ATP13A4: variants seen among roughly 807,000 people sequenced by gnomAD.
The protein encoded by ATP13A4 is ATPase 13A4, also known as probable cation-transporting ATPase 13A4.
A neutral mutation model predicts 142.5 loss-of-function variants in ATP13A4; 114 were observed. The ratio of observed to expected loss-of-function variants is 0.80; its 90% CI spans 0.69 to 0.93. The LOEUF is 0.93. Among genes scored for constraint, ATP13A4 ranks in the 40% least tolerant of loss-of-function variants. The pLI, the probability that ATP13A4 is intolerant of heterozygous loss-of-function variation, is 0.00. For synonymous variants in ATP13A4, 488 were observed against 514.8 expected (o/e 0.95, Z 0.70); for missense variants, 1,392 against 1,454.0 (o/e 0.96, Z 0.69).
At chr3:193,432,358 T>C (rs757962718) in intron 25 of ATP13A4, among the ~76,000 whole-genome samples, 46 of 152,104 alleles carry the variant, frequency 3.0e-4, no homozygotes, top group Non-Finnish European at 6.5e-4. Context: ...TAGAGGTTTC[T>C]TACAAAACAA....
intron 1 of ATP13A4, among the ~76,000 whole-genome samples, chr3:193,552,595 A>C (rs1044660234): frequency 6.6e-6 from 1 of 152,234 alleles, no homozygotes; most frequent in Non-Finnish European, 1.5e-5. Flanking sequence ...GAATCTAAGA[A>C]GACTGGATGT....
At chr3:193,516,501 C>T (rs1721422301) in intron 1 of ATP13A4, among the ~76,000 whole-genome samples, 1 of 152,202 alleles carries the variant, frequency 6.6e-6, no homozygotes, top group Non-Finnish European at 1.5e-5. Flanking sequence ...GCTCTGTCCC[C>T]TCAACACACT....
intron 1 of ATP13A4, chr3:193,592,941 T>G: frequency 5.5e-6 from 1 of 183,340 alleles, no homozygotes; most frequent in Non-Finnish European, 1.1e-5. Flanking sequence ...CCGGTGAGCA[T>G]TCATCAATTC....
intron 17 of ATP13A4, among the ~76,000 whole-genome samples, chr3:193,448,981 C>A (rs1003982297): frequency 1.3e-5 from 2 of 151,974 alleles, no homozygotes; most frequent in African/African-American, 4.8e-5. Flanking sequence ...TGAAAAAAAA[C>A]GGAGGTGCAA....
rs150919094 is a variant in ATP13A4 at position 193,399,186 on chromosome 3, C to T, written c.*3466G>A. 1.6e-4 allele frequency among the ~76,000 whole-genome samples: 25 copies of T among 152,158 alleles called. No individual in the cohort carries two copies. The highest frequency in any genetic ancestry group is 3.9e-4 in the Admixed American group (6 of 15,280). On this transcript the variant is annotated 3_prime_UTR_variant, in exon 30 of 30. Transcript: ENST00000342695. ...GCCTTGAGATGAACATACAGGGCAC[C>T]GTCTCAAATGATTTGGACTATGTGA...
intron 1 of ATP13A4, among the ~76,000 whole-genome samples, chr3:193,544,835 T>C (rs1723135179): frequency 6.6e-6 from 1 of 152,204 alleles, no homozygotes; most frequent in Non-Finnish European, 1.5e-5. Context: ...ATCAAAAGCA[T>C]AAAGTACACT....
chr3:193,552,092 G>C (rs937063549), intron 1 of ATP13A4, among the ~76,000 whole-genome samples: 3 of 152,138 alleles, frequency 2.0e-5, no homozygotes, highest in Non-Finnish European at 2.9e-5. Context: ...TCCTGCCTCA[G>C]CCTCCCAAGT....
intron 12 of ATP13A4, 32 bp downstream of exon 12, chr3:193,464,908 T>C (rs1199452583): frequency 6.2e-7 from 1 of 1,601,808 alleles, no homozygotes; most frequent in African/African-American, 1.3e-5. Context: ...ATGGTAAAAA[T>C]GATGATAAGA....
At chr3:193,457,523 G>A in intron 14 of ATP13A4, 58 bp from the exon 15 acceptor site, 3 of 1,514,248 alleles carry the variant, frequency 2.0e-6, no homozygotes, top group South Asian at 2.2e-5. Context: ...GCCCACTGAT[G>A]CTATGCTTGA....
At chr3:193,498,060 G>C (rs1720340980) in intron 3 of ATP13A4, among the ~76,000 whole-genome samples, 1 of 152,078 alleles carries the variant, frequency 6.6e-6, no homozygotes, top group Non-Finnish European at 1.5e-5. Context: ...ATAGCTAGAA[G>C]AAAGGATTTT....
At chr3:193,507,448 G>A (rs1375514273) in intron 2 of ATP13A4, among the ~76,000 whole-genome samples, 1 of 151,874 alleles carries the variant, frequency 6.6e-6, no homozygotes, top group Non-Finnish European at 1.5e-5. Flanking sequence ...TAGAATATAG[G>A]ATTTAGTTAT....
intron 1 of ATP13A4, among the ~76,000 whole-genome samples, chr3:193,537,540 T>C (rs1722651292): frequency 6.6e-6 from 1 of 152,112 alleles, no homozygotes; most frequent in Non-Finnish European, 1.5e-5. Context: ...TGAAAACATC[T>C]TAGGAGCAAA....
At chr3:193,582,200 G>A (rs1445718099) in intron 1 of ATP13A4, among the ~76,000 whole-genome samples, 2 of 145,966 alleles carry the variant, frequency 1.4e-5, no homozygotes, top group Admixed American at 7.0e-5. Flanking sequence ...CCAGGCTGGA[G>A]TGCAATGGCA....
At chr3:193,459,290 T>C (rs925425485) in intron 13 of ATP13A4, 59 bp from the exon 14 acceptor site, 2 of 1,601,094 alleles carry the variant, frequency 1.2e-6, no homozygotes, top group African/African-American at 1.3e-5. Context: ...ACAGAGCATC[T>C]TGGAGGTGAA....
At chr3:193,440,172 CATT>C in intron 21 of ATP13A4, 1 of 232,010 alleles carries the variant, frequency 4.3e-6, no homozygotes, top group South Asian at 6.4e-5. Context: ...CCTATATCAT[CATT>C]GTGATGACGG....
At chr3:193,451,150 T>C (rs143776365) in intron 17 of ATP13A4, among the ~76,000 whole-genome samples, 2,036 of 152,258 alleles carry the variant, frequency 0.013, 42 homozygotes, top group African/African-American at 0.039. Context: ...CCTGGTGCCT[T>C]CCCTATTGAA....
chr3:193,581,433 T>C (rs958834871), intron 2 of ATP13A4, among the ~76,000 whole-genome samples: 2 of 152,216 alleles, frequency 1.3e-5, no homozygotes, highest in African/African-American at 4.8e-5. Context: ...AACATGTCAC[T>C]GAACGCAGAG....
chr3:193,402,915 G>C, intron 29 of ATP13A4, 51 bp from the exon 30 acceptor site: 1 of 1,527,870 alleles, frequency 6.5e-7, no homozygotes, highest in African/African-American at 1.4e-5. Context: ...GTGTTTTGAG[G>C]CTACAGCCCT....
intron 5 of ATP13A4, 53 bp from the exon 6 acceptor site, chr3:193,491,451 A>C: frequency 7.9e-7 from 1 of 1,267,596 alleles, no homozygotes; most frequent in Admixed American, 1.7e-5. Context: ...ATTAAAACTG[A>C]CTCCTCACCT....
Sources: gnomAD v4.1 joint callset for allele counts (sites outside exome capture counted in the v4.1 genomes callset) on GRCh38, gnomAD v4.1.1 for gene constraint, MANE v1.5 for transcripts, NCBI Gene and HGNC (gene_info 2026-07-23, HGNC 2026-07-21) for gene names.